STX8: variants seen among roughly 807,000 people sequenced by gnomAD.
STX8 encodes the protein syntaxin-8.
STX8 carries 23 observed loss-of-function variants against 37.5 expected under a neutral mutation model. That is an observed-to-expected ratio of 0.61 (90% CI 0.44 to 0.87). STX8 has a LOEUF of 0.87. STX8 is among the 40% of genes least tolerant of loss of function. The pLI is 0.00. For synonymous variants in STX8, 115 were observed against 99.1 expected, an observed-to-expected ratio of 1.16 and a Z score of -0.95; for missense variants, 313 against 284.7, an observed-to-expected ratio of 1.10 and a Z score of -0.71.
At chr17:9,553,862 T>C (rs564775123) in intron 3 of STX8, 2 of 152,202 alleles carry the variant, frequency 1.3e-5, no homozygotes, top group African/African-American at 4.8e-5. Flanking sequence ...ACAATTCACG[T>C]TGGGGCCACA....
intron 7 of STX8, among the ~76,000 whole-genome samples, chr17:9,288,528 G>C (rs955056431): frequency 6.6e-6 from 1 of 152,026 alleles, no homozygotes; most frequent in Admixed American, 6.6e-5. Flanking sequence ...CGGGCGTGGT[G>C]GCAGGCGCCT....
chr17:9,273,529 C>CCA (rs1490871301), intron 7 of STX8: 1 of 152,566 alleles, frequency 6.6e-6, no homozygotes, highest in East Asian at 1.9e-4. Flanking sequence ...CCACGCCAGG[C>CCA]CACACACAGC....
chr17:9,560,265 G>A (rs1251822918), intron 2 of STX8, among the ~76,000 whole-genome samples: 1 of 151,388 alleles, frequency 6.6e-6, no homozygotes, highest in Non-Finnish European at 1.5e-5. Context: ...GGGCATGGTG[G>A]TGCGCACCTG....
intron 7 of STX8, among the ~76,000 whole-genome samples, chr17:9,362,513 T>C (rs1018504654): frequency 2.0e-5 from 3 of 152,092 alleles, no homozygotes; most frequent in African/African-American, 4.8e-5. Flanking sequence ...CTTCTCCTTA[T>C]CTTCCATTAA....
At chr17:9,574,754 G>A (rs1907830890) in intron 1 of STX8, among the ~76,000 whole-genome samples, 1 of 152,098 alleles carries the variant, frequency 6.6e-6, no homozygotes, top group Non-Finnish European at 1.5e-5. Flanking sequence ...GGCTGGTCTC[G>A]ACCTCCCGAC....
rs757876321 is a variant in STX8 at position 9,304,925 on chromosome 17, ATATGT to A, written c.644-54285_644-54281del. ...CTTTCATATATGGGCGAAAAAAAAAATATGTATATATATATATATATACAGTCCCT... is the reference window on the plus strand; with the variant it reads ...CTTTCATATATGGGCGAAAAAAAAAAATATATATATATATATACAGTCCCT... On this transcript the variant is annotated intron_variant, in intron 7 of 7. Coordinates refer to ENST00000306357, the MANE Select transcript of STX8 (RefSeq NM_004853.3). Among the ~76,000 whole-genome samples the A allele has an allele frequency of 2.4e-3, 343 of 141,642 alleles. 1 individual carries two copies. The highest frequency in any genetic ancestry group is 9.6e-3 in the African/African-American group (317 of 33,168). The allele number at this position is 141,642 out of a possible 152,430, so 92.9% of individuals were successfully genotyped here.
chr17:9,426,285 G>A (rs1190235134), intron 6 of STX8, among the ~76,000 whole-genome samples: 33 of 152,066 alleles, frequency 2.2e-4, no homozygotes, highest in Admixed American at 2.0e-3. Context: ...CCAACACTTC[G>A]GGAGGCCAAG....
At chr17:9,573,082 C>T (rs1362574188) in intron 1 of STX8, among the ~76,000 whole-genome samples, 1 of 14,774 alleles carries the variant, frequency 6.8e-5, no homozygotes, top group Admixed American at 1.9e-3. Context: ...CCCCCAACAC[C>T]CCCCCCCACC....
intron 7 of STX8, among the ~76,000 whole-genome samples, chr17:9,333,269 G>C (rs1240605706): frequency 6.6e-6 from 1 of 152,086 alleles, no homozygotes; most frequent in Admixed American, 6.5e-5. Flanking sequence ...CCCCACAATA[G>C]TCCCCAATGT....
At chr17:9,406,722 A>T (rs965468533) in intron 6 of STX8, among the ~76,000 whole-genome samples, 7 of 152,192 alleles carry the variant, frequency 4.6e-5, no homozygotes, top group African/African-American at 1.7e-4. Context: ...ACTTTTTCTT[A>T]AAAATTTTCA....
chr17:9,251,374 G>C (rs1444147573), intron 7 of STX8, among the ~76,000 whole-genome samples: 1 of 152,214 alleles, frequency 6.6e-6, no homozygotes, highest in Non-Finnish European at 1.5e-5. Context: ...TGAGCTCACT[G>C]TCTCCCATGT....
At chr17:9,490,654 C>T (rs1022442233) in intron 6 of STX8, among the ~76,000 whole-genome samples, 4 of 152,140 alleles carry the variant, frequency 2.6e-5, no homozygotes, top group East Asian at 1.9e-4. Context: ...TGTGAGCCAC[C>T]GCACCCACCT....
chr17:9,519,744 TCAGA>T (rs767756721), intron 4 of STX8, among the ~76,000 whole-genome samples: 233 of 44,920 alleles, frequency 5.2e-3, no homozygotes, highest in Admixed American at 0.011. Flanking sequence ...TCCCCACCGC[TCAGA>T]CAAAGGCAAA....
At chr17:9,350,766 C>A (rs549494095) in intron 7 of STX8, among the ~76,000 whole-genome samples, 2 of 152,126 alleles carry the variant, frequency 1.3e-5, no homozygotes, top group African/African-American at 4.8e-5. Flanking sequence ...TGCCTGACCT[C>A]GGGTGATCCA....
In STX8 at chr17:9,461,993, G is replaced by A. The variant is rs539608147; in HGVS notation, c.541+29836C>T. Among the ~76,000 whole-genome samples the A allele has an allele frequency of 7.2e-5, 11 of 152,178 alleles. No individual in the cohort carries two copies. The East Asian group carries it at 1.2e-3, about 16-fold the overall frequency. On this transcript the variant is annotated intron_variant, in intron 6 of 7. Coordinates refer to ENST00000306357, the MANE Select transcript of STX8 (RefSeq NM_004853.3). ...CGCTGCCGCTCATCTGACAGGAGGC[G>A]GAGCTCAGGCGGTAATGCAAGCAAT...
intron 7 of STX8, among the ~76,000 whole-genome samples, chr17:9,369,886 C>CA (rs60178482): frequency 0.051 from 2,631 of 51,342 alleles, 79 homozygotes; most frequent in African/African-American, 0.071. Flanking sequence ...GACCCTGTAC[C>CA]AAAAAAAAAA....
chr17:9,311,852 T>G (rs1597598192), intron 7 of STX8, among the ~76,000 whole-genome samples: 1 of 151,704 alleles, frequency 6.6e-6, no homozygotes, highest in South Asian at 2.1e-4. Context: ...TCTCTTTTTT[T>G]CTTTTTTTTT....
chr17:9,384,732 G>C (rs57316093), intron 6 of STX8, among the ~76,000 whole-genome samples: 1 of 151,782 alleles, frequency 6.6e-6, no homozygotes, highest in Non-Finnish European at 1.5e-5. Flanking sequence ...TACTAATCAA[G>C]AGAGTCTGAT....
intron 7 of STX8, among the ~76,000 whole-genome samples, chr17:9,347,728 G>A (rs1045986893): frequency 8.5e-5 from 13 of 152,182 alleles, no homozygotes; most frequent in Middle Eastern, 3.4e-3. Flanking sequence ...TGTTGGCCAG[G>A]CTGATTCTAG....
Sources: gnomAD v4.1 joint callset for allele counts (sites outside exome capture counted in the v4.1 genomes callset) on GRCh38, gnomAD v4.1.1 for gene constraint, MANE v1.5 for transcripts, NCBI Gene and HGNC (gene_info 2026-07-23, HGNC 2026-07-21) for gene names.